Variants in RGL3 observed in about 807,000 individuals in gnomAD.
The protein encoded by RGL3 is ral guanine nucleotide dissociation stimulator like 3.
Under a neutral mutation model 90.6 loss-of-function variants are expected in RGL3, and 85 were observed. The ratio of observed to expected loss-of-function variants is 0.94; its 90% CI spans 0.79 to 1.12. RGL3 has a LOEUF of 1.12. Among genes scored for constraint, RGL3 ranks in the 50% most tolerant of loss-of-function variants. The pLI, the probability that RGL3 is intolerant of heterozygous loss-of-function variation, is 0.00. For missense variants in RGL3, 1,034 were observed against 939.2 expected (o/e 1.10, Z -1.32); for synonymous variants, 408 against 385.5 (o/e 1.06, Z -0.68).
In RGL3 at chr19:11,418,746, G is replaced by A. The variant is rs1417979058; in HGVS notation, c.72C>T (p.Gly24=). Residue 24 remains glycine, a synonymous_variant, in exon 2 of 19, where the codon GGC becomes GGT. Coordinates refer to ENST00000380456, the MANE Select transcript of RGL3 (RefSeq NM_001035223.4). ...GCCGCAGGGAGACACTGTACACCGCGCCGTCCTCGGTCTCTTCACCCCAGT... is the reference window on the plus strand; with the variant it reads ...GCCGCAGGGAGACACTGTACACCGCACCGTCCTCGGTCTCTTCACCCCAGT... ...LQDWGEETED[G]AVYSVSLRRQ... 4 of 1,574,342 alleles carry A rather than the reference G, an allele frequency of 2.5e-6. No individual in the cohort carries two copies. Among genetic ancestry groups the A allele is most frequent in the South Asian group, 2.3e-5 (2 of 86,614 alleles).
intron 5 of RGL3, among the ~76,000 whole-genome samples, chr19:11,415,571 G>A (rs1968978753): frequency 6.6e-6 from 1 of 152,110 alleles, no homozygotes; most frequent in Admixed American, 6.6e-5. Context: ...CGCCTCCCGG[G>A]TTCAAACGAT....
At chr19:11,405,298 G>A in intron 8 of RGL3, 25 bp downstream of exon 8, 1 of 1,612,794 alleles carries the variant, frequency 6.2e-7, no homozygotes, top group Non-Finnish European at 8.5e-7. Context: ...GGATGGGCTG[G>A]GGAACAGGTC....
Position 11,402,816 on chromosome 19 carries a change from G to A in RGL3, c.1186-110C>T. On this transcript the variant is annotated intron_variant, in intron 9 of 18. Coordinates refer to ENST00000380456, the MANE Select transcript of RGL3 (RefSeq NM_001035223.4). ...CCCTTCATGCTTTGAGTAATCAAAA[G>A]TCAGTGGTAGGCCAGGTGCGATGGC... 5.2e-6 allele frequency: 5 copies of A among 961,822 alleles called. No homozygotes were observed. In the Middle Eastern group the frequency reaches 9.8e-4, roughly 189 times the overall value. The allele number at this position is 961,822 out of a possible 1,614,324, so 59.6% of individuals were successfully genotyped here.
chr19:11,415,414 A>T (rs1968975419), intron 5 of RGL3, among the ~76,000 whole-genome samples: 1 of 152,280 alleles, frequency 6.6e-6, no homozygotes, highest in Admixed American at 6.5e-5. Context: ...AACACAGAGC[A>T]TCCTGACCCA....
At chr19:11,417,159 T>TG in intron 2 of RGL3, 100 bp from the exon 3 acceptor site, 7 of 661,652 alleles carry the variant, frequency 1.1e-5, no homozygotes, top group Non-Finnish European at 1.6e-5. Context: ...TTTTTTTTTG[T>TG]TTTTTTTTTT....
chr19:11,409,538 A>G (rs574526648), intron 5 of RGL3, among the ~76,000 whole-genome samples: 1 of 152,278 alleles, frequency 6.6e-6, no homozygotes, highest in East Asian at 1.9e-4. Flanking sequence ...AAAGAAAAAC[A>G]TGTTTGCAAT....
At position 11,418,727 on chromosome 19, in the gene RGL3, G is replaced by T. The variant is rs1969050113; in HGVS notation, c.91C>A (p.Leu31Met). The T allele has an allele frequency of 6.3e-7, 1 of 1,578,118 alleles. No individual in the cohort carries two copies. Among genetic ancestry groups the T allele is most frequent in the Non-Finnish European group, 8.6e-7 (1 of 1,166,580 alleles). Reference sequence around the variant, plus strand: ...CTGCGCTGACTGCGCTGCCGCCGCAGGGAGACACTGTACACCGCGCCGTCC... The same window carrying T: ...CTGCGCTGACTGCGCTGCCGCCGCATGGAGACACTGTACACCGCGCCGTCC... ...TEDGAVYSVSLRRQRSQRRSP... is the reference protein window; with the variant it reads ...TEDGAVYSVSMRRQRSQRRSP... The change falls in exon 2 of 19, where the codon CTG becomes ATG. Residue 31 changes from leucine to methionine, a missense_variant. By Grantham distance (15) the Leu-to-Met change is conservative (BLOSUM62 2). Coordinates refer to ENST00000380456, the MANE Select transcript of RGL3 (RefSeq NM_001035223.4).
At chr19:11,409,736 C>T (rs1001965522) in intron 5 of RGL3, among the ~76,000 whole-genome samples, 8 of 152,138 alleles carry the variant, frequency 5.3e-5, no homozygotes, top group Admixed American at 6.6e-5. Flanking sequence ...CCTGTGCGTT[C>T]GTTGGTGCTT....
intron 7 of RGL3, among the ~76,000 whole-genome samples, chr19:11,406,176 C>T (rs560420966): frequency 6.6e-6 from 1 of 152,228 alleles, no homozygotes; most frequent in African/African-American, 2.4e-5. Flanking sequence ...CCCCTGCCTC[C>T]GACCTTGACT....
intron 9 of RGL3, among the ~76,000 whole-genome samples, chr19:11,403,331 G>C (rs1487977998): frequency 1.2e-4 from 17 of 143,838 alleles, no homozygotes; most frequent in Admixed American, 3.4e-4. Flanking sequence ...CACCGTGCCC[G>C]GCCAAAAAAA....
At chr19:11,401,395 A>AT (rs539872627) in intron 13 of RGL3, among the ~76,000 whole-genome samples, 305 of 136,108 alleles carry the variant, frequency 2.2e-3, no homozygotes, top group Middle Eastern at 3.8e-3. Context: ...CATTCAGCTA[A>AT]TTTTTTTTTT....
At chr19:11,402,565 A>G (rs1968698976) in intron 10 of RGL3, 24 bp from the exon 11 acceptor site, 2 of 1,606,684 alleles carry the variant, frequency 1.2e-6, no homozygotes, top group Non-Finnish European at 1.7e-6. Flanking sequence ...AGCTCCAGTC[A>G]CTTGGGGCCA....
intron 3 of RGL3, 55 bp downstream of exon 3, chr19:11,416,781 G>C (rs1419022767): frequency 1.2e-5 from 19 of 1,601,150 alleles, no homozygotes; most frequent in African/African-American, 2.7e-5. Context: ...GTGGAGGGGG[G>C]TGCCCAGTTG....
chr19:11,400,019 A>C (rs753983006), intron 15 of RGL3, 21 bp downstream of exon 15: 4 of 1,602,406 alleles, frequency 2.5e-6, no homozygotes, highest in Non-Finnish European at 3.4e-6. Context: ...CCCCAGTCCC[A>C]TCACCAAGCA....
chr19:11,409,497 CA>C (rs74180021), intron 5 of RGL3, among the ~76,000 whole-genome samples: 1 of 140,704 alleles, frequency 7.1e-6, no homozygotes, highest in East Asian at 2.3e-4. Flanking sequence ...CAAAACAAAA[CA>C]AAACAAACAA....
intron 1 of RGL3, 89 bp from the exon 2 acceptor site, chr19:11,418,873 C>T (rs1969054735): frequency 2.0e-6 from 2 of 1,017,566 alleles, no homozygotes; most frequent in South Asian, 3.3e-5. Flanking sequence ...GCCGAGTCCT[C>T]CTGCTGCATC....
At chr19:11,412,646 G>A (rs1023674926) in intron 5 of RGL3, among the ~76,000 whole-genome samples, 5 of 152,086 alleles carry the variant, frequency 3.3e-5, no homozygotes. Context: ...TCCAGCCTGG[G>A]CAACAGAGCA....
chr19:11,412,953 G>A lies in RGL3; in HGVS notation c.637+2984C>T, dbSNP rs372877675. On this transcript the variant is annotated intron_variant, in intron 5 of 18. Transcript: ENST00000380456. Reference sequence around the variant, plus strand: ...TGCACTCCAGCCTAGGCGACAGAGCGAGACTCTGTCTCAAAATAAAATAAA... The same window carrying A: ...TGCACTCCAGCCTAGGCGACAGAGCAAGACTCTGTCTCAAAATAAAATAAA... 2.3e-4 allele frequency among the ~76,000 whole-genome samples: 35 copies of A among 152,098 alleles called. 1 individual carries two copies. The South Asian group carries it at 6.0e-3, about 26-fold the overall frequency.
chr19:11,401,395 A>AAT (rs1218736947), intron 13 of RGL3, among the ~76,000 whole-genome samples: 6 of 136,122 alleles, frequency 4.4e-5, no homozygotes, highest in African/African-American at 1.6e-4. Flanking sequence ...CATTCAGCTA[A>AAT]TTTTTTTTTT....
Sources: gnomAD v4.1 joint callset for allele counts (sites outside exome capture counted in the v4.1 genomes callset) on GRCh38, gnomAD v4.1.1 for gene constraint, MANE v1.5 for transcripts, NCBI Gene and HGNC (gene_info 2026-07-23, HGNC 2026-07-21) for gene names.